BPTF: variants seen among roughly 807,000 people sequenced by gnomAD.
BPTF encodes nucleosome-remodeling factor subunit BPTF.
Under a neutral mutation model 292.5 loss-of-function variants are expected in BPTF, and 18 were observed. The observed-to-expected ratio is 0.06, with a 90% CI of 0.04 to 0.09. The LOEUF (loss-of-function observed/expected upper bound fraction) is 0.09, where lower values mean the gene tolerates loss of function less well. BPTF is among the 10% of genes least tolerant of loss of function. BPTF has a pLI of 1.00. For missense variants in BPTF, 2,726 were observed against 3,498.7 expected (o/e 0.78, Z 5.57); for synonymous variants, 1,225 against 1,251.9 (o/e 0.98, Z 0.45).
At chr17:67,949,883 C>T (rs1406068225) in intron 23 of BPTF, among the ~76,000 whole-genome samples, 8 of 150,404 alleles carry the variant, frequency 5.3e-5, no homozygotes, top group South Asian at 2.1e-4. Context: ...GGTGAAACTC[C>T]GTCTCTACTA....
chr17:67,902,489 G>A (rs1308658573), intron 7 of BPTF, among the ~76,000 whole-genome samples: 1 of 152,154 alleles, frequency 6.6e-6, no homozygotes, highest in East Asian at 1.9e-4. Context: ...GTTGGCAGAG[G>A]GATGGAATTT....
chr17:67,832,333 C>T (rs755649926), intron 1 of BPTF, among the ~76,000 whole-genome samples: 3 of 150,716 alleles, frequency 2.0e-5, no homozygotes, highest in Non-Finnish European at 2.9e-5. Context: ...TTAAAATGCA[C>T]GTAAATATAA....
Position 67,964,860 on chromosome 17 carries a change from G to A in BPTF, c.8454+456G>A, listed in dbSNP as rs1470517968. Among the ~76,000 whole-genome samples the A allele has an allele frequency of 3.0e-4, 45 of 151,824 alleles. 1 individual carries two copies. Among genetic ancestry groups the A allele is most frequent in the Non-Finnish European group, 4.1e-4 (28 of 67,930 alleles). On this transcript the variant is annotated intron_variant, in intron 25 of 27. Coordinates refer to ENST00000306378, the MANE Select transcript of BPTF (RefSeq NM_182641.4). ...TAAAAATACAAAAAATTAGCTGGGCGTGGTGGCGGGCGCCTGTAGTCCTAG... is the reference window on the plus strand; with the variant it reads ...TAAAAATACAAAAAATTAGCTGGGCATGGTGGCGGGCGCCTGTAGTCCTAG...
chr17:67,902,144 C>G (rs1471949118), intron 7 of BPTF, among the ~76,000 whole-genome samples: 2 of 152,204 alleles, frequency 1.3e-5, no homozygotes, highest in African/African-American at 4.8e-5. Context: ...CAAAGAGAAG[C>G]CTTTGTATTT....
At chr17:67,850,356 G>A (rs1004079489) in intron 1 of BPTF, among the ~76,000 whole-genome samples, 1 of 151,924 alleles carries the variant, frequency 6.6e-6, no homozygotes, top group African/African-American at 2.4e-5. Flanking sequence ...CTTTTCTTTT[G>A]CCTCATGGTG....
At chr17:67,830,841 T>C (rs138327324) in intron 1 of BPTF, among the ~76,000 whole-genome samples, 76 of 152,258 alleles carry the variant, frequency 5.0e-4, no homozygotes, top group African/African-American at 1.8e-3. Context: ...TTGGGCTGGA[T>C]TGTGATCCTC....
At chr17:67,952,138 G>A (rs782022652) in intron 23 of BPTF, among the ~76,000 whole-genome samples, 15 of 150,506 alleles carry the variant, frequency 1.0e-4, no homozygotes, top group Non-Finnish European at 1.9e-4. Flanking sequence ...GTGAATCCCC[G>A]TCTCTGCTAA....
At chr17:67,830,876 C>T (rs2056607785) in intron 1 of BPTF, among the ~76,000 whole-genome samples, 1 of 152,130 alleles carries the variant, frequency 6.6e-6, no homozygotes, top group African/African-American at 2.4e-5. Context: ...CCTGAACACC[C>T]AGAGGAGTTA....
chr17:67,893,321 A>C (rs2061246148), intron 5 of BPTF, 49 bp from the exon 6 acceptor site: 1 of 1,144,258 alleles, frequency 8.7e-7, no homozygotes, highest in Non-Finnish European at 1.3e-6. Context: ...GATGAAATTC[A>C]CATCTTTGAT....
chr17:67,880,696 A>C (rs901131722), intron 4 of BPTF, among the ~76,000 whole-genome samples: 1 of 151,916 alleles, frequency 6.6e-6, no homozygotes, highest in Non-Finnish European at 1.5e-5. Context: ...GATTGCCGTA[A>C]AGTGGCCATA....
chr17:67,830,916 ACATGAAACAGAAC>A (rs2056611038), intron 1 of BPTF, among the ~76,000 whole-genome samples: 1 of 152,200 alleles, frequency 6.6e-6, no homozygotes, highest in Non-Finnish European at 1.5e-5. Flanking sequence ...CCATGCACAA[ACATGAAACAGAAC>A]CATATCAAAT....
intron 3 of BPTF, among the ~76,000 whole-genome samples, chr17:67,872,493 GT>G (rs555939488): frequency 1.3e-5 from 2 of 152,202 alleles, no homozygotes; most frequent in East Asian, 3.9e-4. Flanking sequence ...ATCACCTGAG[GT>G]CAGGAGTTTG....
intron 23 of BPTF, chr17:67,950,807 C>G (rs1294447733): frequency 6.7e-6 from 1 of 149,892 alleles, no homozygotes; most frequent in Non-Finnish European, 1.5e-5. Context: ...CCACTGCACT[C>G]CAGCCTGGGT....
intron 4 of BPTF, among the ~76,000 whole-genome samples, chr17:67,877,045 G>A (rs2060093053): frequency 6.6e-6 from 1 of 152,016 alleles, no homozygotes; most frequent in Non-Finnish European, 1.5e-5. Flanking sequence ...ACAAAACAAT[G>A]ATCAAACATG....
rs2058583058 is a variant in BPTF, at chr17:67,854,488, C to G, written c.1162C>G (p.Gln388Glu). 6.2e-7 allele frequency: 1 copy of G among 1,614,194 alleles called. No individual in the cohort carries two copies. Among genetic ancestry groups the G allele is most frequent in the African/African-American group, 1.3e-5 (1 of 75,044 alleles). ...REELMSEGVIQYDDHCRVCHK... is the reference protein window; with the variant it reads ...REELMSEGVIEYDDHCRVCHK... ...GGAATTGATGTCTGAAGGGGTGATACAGTATGATGACCATTGTAGGGTTTG... is the reference window on the plus strand; with the variant it reads ...GGAATTGATGTCTGAAGGGGTGATAGAGTATGATGACCATTGTAGGGTTTG... The change falls in exon 2 of 28, where the codon CAG becomes GAG. Residue 388 changes from glutamine (Q) to glutamate (E), a missense_variant. Transcript: ENST00000306378. This position sits in a 1 kb window ranked among gnomAD's most constrained non-coding sequence, Gnocchi z 5.6.
chr17:67,927,832 A>G (rs776754499), intron 15 of BPTF, among the ~76,000 whole-genome samples: 9 of 152,164 alleles, frequency 5.9e-5, no homozygotes, highest in Non-Finnish European at 8.8e-5. Flanking sequence ...ATAGATAGGT[A>G]CCTTGGAGGA....
chr17:67,951,579 A>G (rs1383255600), intron 23 of BPTF: 1 of 152,202 alleles, frequency 6.6e-6, no homozygotes, highest in Non-Finnish European at 1.5e-5. Context: ...CTTTATGTAT[A>G]AAAAAGTTGG....
intron 19 of BPTF, among the ~76,000 whole-genome samples, chr17:67,942,495 A>G (rs570250249): frequency 2.0e-3 from 306 of 152,346 alleles, no homozygotes; most frequent in African/African-American, 6.9e-3. Context: ...GCAAAGACAT[A>G]GAGCAGAAAG....
chr17:67,933,292 A>G (rs560910983), intron 18 of BPTF, among the ~76,000 whole-genome samples: 10 of 151,936 alleles, frequency 6.6e-5, no homozygotes, highest in African/African-American at 2.4e-4. Flanking sequence ...GATCATGGCC[A>G]GGCACAGTAG....
Sources: allele counts gnomAD v4.1 joint callset (sites outside exome capture counted in the v4.1 genomes callset), GRCh38; gene constraint gnomAD v4.1.1; non-coding constraint Gnocchi (gnomAD v3.1); transcripts MANE v1.5; gene names NCBI Gene and HGNC (gene_info 2026-07-23, HGNC 2026-07-21).